PALM2AKAP2: variants seen among roughly 807,000 people sequenced by gnomAD.
The protein encoded by PALM2AKAP2 is PALM2 and AKAP2 fusion, also known as PALM2-AKAP2 fusion protein.
Under a neutral mutation model 71.5 loss-of-function variants are expected in PALM2AKAP2, and 37 were observed. That is an observed-to-expected ratio of 0.52 (90% CI 0.40 to 0.68). PALM2AKAP2 has a LOEUF of 0.68. Ranked by LOEUF, PALM2AKAP2 falls within the 30% of genes least tolerant of loss-of-function variation. The pLI is 0.00. For synonymous variants in PALM2AKAP2, 468 were observed against 478.8 expected (o/e 0.98, Z 0.29); for missense variants, 1,224 against 1,191.8 (o/e 1.03, Z -0.40).
At chr9:109,988,991 C>G (rs940349053) in intron 6 of PALM2AKAP2, among the ~76,000 whole-genome samples, 8 of 152,170 alleles carry the variant, frequency 5.3e-5, no homozygotes, top group Non-Finnish European at 2.9e-5. Context: ...GTAAGATGTG[C>G]CTTTGCCTTC....
rs574838705 is a variant in PALM2AKAP2, at chr9:109,928,677, T to C, written c.395-3250T>C. Among the ~76,000 whole-genome samples, 79 of 147,382 alleles carry C rather than the reference T, an allele frequency of 5.4e-4. 1 individual carries two copies. In the East Asian group the frequency reaches 0.013, roughly 24 times the overall value. ...CTCCCTTATCTTTCTCTCGCTCTCT[T>C]TTTTTTTTTTTTGAGTCAGCATCTC... On this transcript the variant is annotated intron_variant, in intron 5 of 9. Transcript: ENST00000302798.
Position 109,688,064 on chromosome 9 carries a change from T to A in PALM2AKAP2, c.5+47198T>A, listed in dbSNP as rs943567221. On this transcript the variant is annotated intron_variant, in intron 1 of 6. Transcript: ENST00000374531. ...AGTGGTTTGTAGCACCCCGAAACAA[T>A]TACGATGGTAACATCAAAGATCACG... is the stretch of plus-strand genomic sequence containing the variant. Among the ~76,000 whole-genome samples the A allele has an allele frequency of 3.9e-5, 6 of 152,168 alleles. 1 individual carries two copies. Among genetic ancestry groups the A allele is most frequent in the African/African-American group, 1.4e-4 (6 of 41,436 alleles).
chr9:109,881,236 A>G (rs932117613), intron 3 of PALM2AKAP2, among the ~76,000 whole-genome samples: 3 of 152,180 alleles, frequency 2.0e-5, no homozygotes, highest in African/African-American at 7.2e-5. Flanking sequence ...TGTGGCTGCA[A>G]AGAGTACTAA....
At chr9:109,849,691 G>T (rs1828957660) in intron 1 of PALM2AKAP2, among the ~76,000 whole-genome samples, 1 of 152,146 alleles carries the variant, frequency 6.6e-6, no homozygotes, top group South Asian at 2.1e-4. Flanking sequence ...GGGAGGCGAA[G>T]GTTGCAGTGA....
chr9:110,112,351 T>C (rs536802256), intron 1 of PALM2AKAP2, among the ~76,000 whole-genome samples: 37 of 152,294 alleles, frequency 2.4e-4, no homozygotes, highest in African/African-American at 8.2e-4. Flanking sequence ...GTGCCCCTCC[T>C]TGTTTTGTGT....
chr9:109,966,779 T>A (rs1274218483), intron 6 of PALM2AKAP2, among the ~76,000 whole-genome samples: 1 of 152,182 alleles, frequency 6.6e-6, no homozygotes, highest in Non-Finnish European at 1.5e-5. Flanking sequence ...GCATGTGAAA[T>A]GTTTGGCAGT....
At chr9:109,927,784 G>A (rs1419824380) in intron 5 of PALM2AKAP2, among the ~76,000 whole-genome samples, 1 of 152,146 alleles carries the variant, frequency 6.6e-6, no homozygotes, top group Non-Finnish European at 1.5e-5. Flanking sequence ...ATAGCAGAAC[G>A]CTCATCTATT....
intron 1 of PALM2AKAP2, among the ~76,000 whole-genome samples, chr9:109,754,453 G>A (rs536079770): frequency 6.6e-6 from 1 of 152,252 alleles, no homozygotes; most frequent in South Asian, 2.1e-4. Flanking sequence ...ATTAAGCGTA[G>A]TATACAGTGT....
At chr9:110,041,282 T>C (rs1308415674) in intron 7 of PALM2AKAP2, among the ~76,000 whole-genome samples, 1 of 110,820 alleles carries the variant, frequency 9.0e-6, no homozygotes, top group Non-Finnish European at 1.8e-5. Flanking sequence ...GTTGAAGATT[T>C]TAGTTTTGAA....
chr9:110,160,428 CT>C (rs1348610593), intron 3 of PALM2AKAP2, among the ~76,000 whole-genome samples: 14 of 152,326 alleles, frequency 9.2e-5, no homozygotes, highest in African/African-American at 3.4e-4. Flanking sequence ...TCCTAAAGGG[CT>C]TCTTGATGCC....
At chr9:109,856,858 G>A (rs1260315594) in intron 1 of PALM2AKAP2, among the ~76,000 whole-genome samples, 1 of 152,176 alleles carries the variant, frequency 6.6e-6, no homozygotes, top group African/African-American at 2.4e-5. Context: ...TAATTTCTTG[G>A]AGTTTGCGTT....
exon 4 of PALM2AKAP2, chr9:110,168,466 A>G (rs1198769504): frequency 1.2e-6 from 2 of 1,614,232 alleles, no homozygotes; most frequent in Admixed American, 1.7e-5. Flanking sequence ...GCAGGGATCT[A>G]TGCCAACCAG....
At chr9:109,828,302 C>T (rs1828209847) in intron 1 of PALM2AKAP2, among the ~76,000 whole-genome samples, 1 of 152,070 alleles carries the variant, frequency 6.6e-6, no homozygotes, top group African/African-American at 2.4e-5. Flanking sequence ...ATGTATCATC[C>T]TCATTCCAGT....
intron 2 of PALM2AKAP2, among the ~76,000 whole-genome samples, chr9:110,143,153 G>A (rs1161708835): frequency 6.6e-6 from 1 of 151,818 alleles, no homozygotes; most frequent in Non-Finnish European, 1.5e-5. Flanking sequence ...CAGGGGTGGT[G>A]GTGCATGCCT....
intron 1 of PALM2AKAP2, among the ~76,000 whole-genome samples, chr9:109,800,125 C>T (rs1204822267): frequency 6.6e-6 from 1 of 152,186 alleles, no homozygotes; most frequent in Non-Finnish European, 1.5e-5. Context: ...TGTTACCCAG[C>T]ACCTCCCATG....
At chr9:109,682,755 C>A (rs904840900) in intron 1 of PALM2AKAP2, among the ~76,000 whole-genome samples, 2 of 152,156 alleles carry the variant, frequency 1.3e-5, no homozygotes, top group African/African-American at 4.8e-5. Context: ...GGAGAGATAA[C>A]GTCGTTGGCG....
intron 2 of PALM2AKAP2, among the ~76,000 whole-genome samples, chr9:109,873,365 G>A (rs1819327): frequency 0.74 from 112,012 of 151,732 alleles, 41,475 homozygotes; most frequent in Admixed American, 0.77. Context: ...GAACCTGGGA[G>A]GTGGAGGTCG....
intron 2 of PALM2AKAP2, among the ~76,000 whole-genome samples, chr9:110,151,850 C>T (rs1023525841): frequency 2.0e-5 from 3 of 152,216 alleles, no homozygotes; most frequent in Non-Finnish European, 4.4e-5. Context: ...TCAGGGCTGG[C>T]CATCAGCCAA....
intron 1 of PALM2AKAP2, among the ~76,000 whole-genome samples, chr9:109,865,090 T>C (rs1829413026): frequency 1.0e-5 from 1 of 97,882 alleles, no homozygotes; most frequent in Non-Finnish European, 2.0e-5. Context: ...TAAATCCTAC[T>C]CATTCCTTTT....
Sources: gnomAD v4.1 joint callset for allele counts (sites outside exome capture counted in the v4.1 genomes callset) on GRCh38, gnomAD v4.1.1 for gene constraint, MANE v1.5 for transcripts, NCBI Gene and HGNC (gene_info 2026-07-23, HGNC 2026-07-21) for gene names.